The following NEK1 variants were observed in gnomAD, a reference collection of about 807,000 sequenced individuals.
NEK1 encodes the protein NIMA related kinase 1.
NEK1 carries 137 observed loss-of-function variants against 182.1 expected under a neutral mutation model. The observed-to-expected ratio is 0.75, with a 90% confidence interval of 0.65 to 0.87. The LOEUF (loss-of-function observed/expected upper bound fraction) is 0.87, where lower values mean the gene tolerates loss of function less well. NEK1 is among the 40% of genes least tolerant of loss of function. The probability of loss-of-function intolerance (pLI) is 0.00; values close to 1 mark genes in which losing one functional copy is unlikely to be tolerated. For missense variants in NEK1, 1,391 were observed against 1,494.4 expected (o/e 0.93, Z 1.14); for synonymous variants, 513 against 492.2 (o/e 1.04, Z -0.56).
intron 31 of NEK1, among the ~76,000 whole-genome samples, chr4:169,413,341 T>G (rs888311225): frequency 6.6e-6 from 1 of 151,988 alleles, no homozygotes; most frequent in African/African-American, 2.4e-5. Flanking sequence ...TTGGCTAATT[T>G]TAAAATGTTT....
At chr4:169,466,043 A>G in intron 26 of NEK1, among the ~76,000 whole-genome samples, 1 of 152,162 alleles carries the variant, frequency 6.6e-6, no homozygotes, top group Non-Finnish European at 1.5e-5. Flanking sequence ...ATAATGACAG[A>G]GATGATGTAA....
At chr4:169,609,230 T>G (rs759129819) in intron 2 of NEK1, among the ~76,000 whole-genome samples, 1 of 152,132 alleles carries the variant, frequency 6.6e-6, no homozygotes, top group Admixed American at 6.5e-5. Context: ...TGTGGGGGAA[T>G]AGCAGGAAAC....
chr4:169,533,139 G>A (rs1757941918), intron 19 of NEK1, among the ~76,000 whole-genome samples: 2 of 152,200 alleles, frequency 1.3e-5, no homozygotes, highest in South Asian at 4.1e-4. Flanking sequence ...TCCCAGGACT[G>A]TGAATATGAC....
rs768239558 is a variant in NEK1 at position 169,406,760 on chromosome 4, TCAA to T, written c.3223-16_3223-14del. The T allele has an allele frequency of 9.6e-6, 15 of 1,559,322 alleles. No individual in the cohort carries two copies. Among genetic ancestry groups the T allele is most frequent in the Non-Finnish European group, 9.5e-6 (11 of 1,157,400 alleles). ...ATGTCCTTAACATCTAAAATAAAAA[TCAA>T]CAAATTTCTTATTAGGAGAAAGATA... On this transcript the variant is annotated splice_polypyrimidine_tract_variant and intron_variant, in intron 31 of 35. Coordinates refer to ENST00000507142, the MANE Select transcript of NEK1 (RefSeq NM_001199397.3).
intron 19 of NEK1, among the ~76,000 whole-genome samples, chr4:169,523,796 T>C (rs1367214044): frequency 3.9e-5 from 6 of 152,258 alleles, no homozygotes; most frequent in East Asian, 3.8e-4. Context: ...TTACTGCTTA[T>C]ATGTTCCTGC....
intron 30 of NEK1, among the ~76,000 whole-genome samples, chr4:169,425,914 C>A (rs1280559339): frequency 6.6e-6 from 1 of 152,268 alleles, no homozygotes; most frequent in East Asian, 1.9e-4. Context: ...TAATTCTTTT[C>A]ATTTTTAATA....
rs780591298 is a variant in NEK1, at chr4:169,585,383, AT to A, written c.772del (p.Ile258Ter). ...SVNSILEKGF[I>X]AKRIEKFLSP... ...GAGAAACTTTTCAATGCGTTTGGCT[AT>A]AAAACCTTTCTCCAATATGGAGTTG... is the stretch of plus-strand genomic sequence containing the variant. On this transcript the variant is annotated frameshift_variant, in exon 10 of 36. Coordinates refer to ENST00000507142, the MANE Select transcript of NEK1 (RefSeq NM_001199397.3). LOFTEE classifies it high-confidence loss of function. The A allele has an allele frequency of 6.2e-7, 1 of 1,613,642 alleles. No homozygotes were observed. Among genetic ancestry groups the A allele is most frequent in the South Asian group, 1.1e-5 (1 of 91,042 alleles).
intron 33 of NEK1, 66 bp downstream of exon 33, chr4:169,401,586 A>T (rs1195052529): frequency 7.0e-6 from 10 of 1,433,124 alleles, no homozygotes; most frequent in Non-Finnish European, 9.7e-6. Flanking sequence ...GAGATTAGAA[A>T]AATACACTCT....
chr4:169,492,961 G>A lies in NEK1; in HGVS notation c.2008-13427C>T, dbSNP rs369681415. 9.9e-5 allele frequency among the ~76,000 whole-genome samples: 15 copies of A among 152,252 alleles called. 2 individuals are homozygous for A. The South Asian group carries it at 3.1e-3, about 32-fold the overall frequency. Reference sequence around the variant, plus strand: ...GGGTCATCTCTCACCTTCTCATCTCGCCAAAGTGCATGATTGTGGACATGG... The same window carrying A: ...GGGTCATCTCTCACCTTCTCATCTCACCAAAGTGCATGATTGTGGACATGG... On this transcript the variant is annotated intron_variant, in intron 23 of 35. Transcript: ENST00000507142.
At chr4:169,499,192 T>C (rs192345912) in intron 23 of NEK1, among the ~76,000 whole-genome samples, 47 of 152,358 alleles carry the variant, frequency 3.1e-4, no homozygotes, top group Admixed American at 2.7e-3. Context: ...AGTTGACAAA[T>C]TGGCTACTGA....
At chr4:169,598,448 C>G (rs1017311071) in intron 5 of NEK1, among the ~76,000 whole-genome samples, 2 of 149,452 alleles carry the variant, frequency 1.3e-5, no homozygotes, top group African/African-American at 4.9e-5. Context: ...TTGAACTGAG[C>G]TTAAAAAAAA....
At chr4:169,437,616 C>T (rs559402001) in intron 28 of NEK1, among the ~76,000 whole-genome samples, 1 of 152,246 alleles carries the variant, frequency 6.6e-6, no homozygotes, top group South Asian at 2.1e-4. Context: ...CATCTGTGAG[C>T]CCCGGGCCAT....
Position 169,424,762 on chromosome 4 carries a change from C to T in NEK1, c.3013G>A (p.Val1005Ile). The change falls in exon 31 of 36, where the codon GTA becomes ATA. Residue 1005 changes from valine to isoleucine, a missense_variant. Transcript: ENST00000507142. ...TNDSQHSKCD[V>I]DKSVQPEPFF... is the part of the protein sequence containing the mutation. ...GGTTCCGGTTGCACAGACTTATCTA[C>T]ATCACATTTAGAGTGCTGAGAATCA... is the stretch of plus-strand genomic sequence containing the variant. 2 of 1,613,046 alleles carry T rather than the reference C, an allele frequency of 1.2e-6. No individual in the cohort carries two copies. The highest frequency in any genetic ancestry group is 1.1e-5 in the South Asian group (1 of 91,006).
At chr4:169,539,391 C>A (rs571903104) in intron 18 of NEK1, among the ~76,000 whole-genome samples, 23 of 152,246 alleles carry the variant, frequency 1.5e-4, no homozygotes, top group African/African-American at 5.5e-4. Context: ...CTAAGGAAGG[C>A]AGATAAACCT....
intron 31 of NEK1, among the ~76,000 whole-genome samples, chr4:169,410,359 C>T (rs1733462596): frequency 6.6e-6 from 1 of 152,002 alleles, no homozygotes. Flanking sequence ...AAACATATAA[C>T]ATAGTGAATG....
At chr4:169,590,201 G>A (rs11937014) in intron 6 of NEK1, among the ~76,000 whole-genome samples, 15 of 152,108 alleles carry the variant, frequency 9.9e-5, no homozygotes, top group African/African-American at 3.1e-4. Context: ...CCAGCTACTC[G>A]TTGGTCTGAG....
At chr4:169,491,085 G>A (rs1749976535) in intron 23 of NEK1, among the ~76,000 whole-genome samples, 1 of 129,238 alleles carries the variant, frequency 7.7e-6, no homozygotes, top group African/African-American at 3.0e-5. Context: ...GGAGGCTGCA[G>A]TGAGCCAAGA....
At chr4:169,401,278 AG>A (rs540185126) in intron 33 of NEK1, among the ~76,000 whole-genome samples, 35 of 152,318 alleles carry the variant, frequency 2.3e-4, no homozygotes, top group Non-Finnish European at 4.0e-4. Flanking sequence ...AAGAGTTTTT[AG>A]TACTTTAAAA....
chr4:169,437,364 A>C (rs999065534), intron 28 of NEK1, among the ~76,000 whole-genome samples: 1 of 152,150 alleles, frequency 6.6e-6, no homozygotes, highest in African/African-American at 2.4e-5. Context: ...GGCTTTCAGA[A>C]GGTGTGAGTG....
Sources: gnomAD v4.1 joint callset for allele counts (sites outside exome capture counted in the v4.1 genomes callset) on GRCh38, gnomAD v4.1.1 for gene constraint, MANE v1.5 for transcripts, NCBI Gene and HGNC (gene_info 2026-07-23, HGNC 2026-07-21) for gene names.